Variants in GLIS1 observed in about 807,000 individuals in gnomAD.
GLIS1 encodes the protein GLIS family zinc finger 1.
A neutral mutation model predicts 63.8 loss-of-function variants in GLIS1; 24 were observed. The ratio of observed to expected loss-of-function variants is 0.38; its 90% CI spans 0.27 to 0.53. The LOEUF is 0.53. GLIS1 is among the 20% of genes least tolerant of loss of function. GLIS1 has a pLI of 0.85. For synonymous variants in GLIS1, 450 were observed against 482.5 expected, an observed-to-expected ratio of 0.93 and a Z score of 0.88; for missense variants, 1,036 against 1,074.1, an observed-to-expected ratio of 0.96 and a Z score of 0.50.
intron 2 of GLIS1, among the ~76,000 whole-genome samples, chr1:53,623,760 G>A (rs891836359): frequency 3.9e-5 from 6 of 152,234 alleles, no homozygotes; most frequent in Admixed American, 3.9e-4. Context: ...ATAACAGGAA[G>A]ATGGGATTTG....
At chr1:53,632,221 T>A (rs899829940) in intron 2 of GLIS1, among the ~76,000 whole-genome samples, 4 of 145,680 alleles carry the variant, frequency 2.7e-5, no homozygotes, top group African/African-American at 1.0e-4. Context: ...GAAGGGCGTG[T>A]GACTGAGTGT....
chr1:53,515,887 G>A (rs1047131600), intron 7 of GLIS1, among the ~76,000 whole-genome samples: 10 of 150,786 alleles, frequency 6.6e-5, no homozygotes, highest in Non-Finnish European at 8.8e-5. Context: ...ACCCAGAATG[G>A]AGCCCAGGCC....
At chr1:53,716,426 C>G (rs1646699174) in intron 2 of GLIS1, among the ~76,000 whole-genome samples, 1 of 151,880 alleles carries the variant, frequency 6.6e-6, no homozygotes, top group Admixed American at 6.6e-5. Context: ...CCTCGTATGG[C>G]CAGAGAGTCA....
chr1:53,677,670 C>T lies in GLIS1; in HGVS notation c.259+60136G>A, dbSNP rs186679787. 6.0e-3 allele frequency among the ~76,000 whole-genome samples: 914 copies of T among 152,366 alleles called. 15 individuals are homozygous for T. Among genetic ancestry groups the T allele is most frequent in the African/African-American group, 0.021 (883 of 41,586 alleles). ...CGTCTCCCAGGGCCTGGGCCCCAGT[C>T]CGATTGGACCCAGCCGCGGGCACCC... is the stretch of plus-strand genomic sequence containing the variant. On this transcript the variant is annotated intron_variant, in intron 2 of 10. Coordinates refer to ENST00000628545, the MANE Select transcript of GLIS1 (RefSeq NM_001367484.1).
chr1:53,723,404 A>C (rs1646776133), intron 2 of GLIS1, among the ~76,000 whole-genome samples: 2 of 151,564 alleles, frequency 1.3e-5, no homozygotes, highest in South Asian at 4.2e-4. Context: ...ATGCTCATCT[A>C]ATTTTTGTAT....
rs542962483 is a variant in GLIS1, at chr1:53,561,296, T to C, written c.1321-31344A>G. ...TTGCATTTATAAACAGTGCACGACT[T>C]TACAAGCCTCCAGCTATAATTTCAT... On this transcript the variant is annotated intron_variant, in intron 4 of 10. Coordinates refer to ENST00000628545, the MANE Select transcript of GLIS1 (RefSeq NM_001367484.1). Among the ~76,000 whole-genome samples, 3 of 152,054 alleles carry C rather than the reference T, an allele frequency of 2.0e-5. No individual in the cohort carries two copies. The East Asian group carries it at 5.8e-4, about 29-fold the overall frequency.
intron 2 of GLIS1, among the ~76,000 whole-genome samples, chr1:53,689,381 G>C (rs1254292971): frequency 6.6e-6 from 1 of 152,096 alleles, no homozygotes; most frequent in Non-Finnish European, 1.5e-5. Flanking sequence ...ATTTACCCTG[G>C]CTGGGCTCTG....
chr1:53,619,123 A>G (rs1352668507), intron 2 of GLIS1, among the ~76,000 whole-genome samples: 1 of 152,108 alleles, frequency 6.6e-6, no homozygotes, highest in African/African-American at 2.4e-5. Context: ...TGGCCCCAGC[A>G]TTTGGACTCT....
At chr1:53,506,853 C>A in intron 10 of GLIS1, 77 bp from the exon 11 acceptor site, 1 of 1,408,442 alleles carries the variant, frequency 7.1e-7, no homozygotes, top group East Asian at 2.4e-5. Context: ...TTCCAGGCCC[C>A]ACCCCGCCTG....
rs190630028 is a variant in GLIS1 at position 53,524,978 on chromosome 1, C to A, written c.1483-91G>T. Reference sequence around the variant, plus strand: ...GACCTGCTGTGGGGAGGTGACCAGGCGAGAGGCTGGCTGCAGGCCAAGAGT... The same window carrying A: ...GACCTGCTGTGGGGAGGTGACCAGGAGAGAGGCTGGCTGCAGGCCAAGAGT... On this transcript the variant is annotated intron_variant, in intron 5 of 10. Transcript: ENST00000628545. 4 of 947,480 alleles carry A rather than the reference C, an allele frequency of 4.2e-6. No individual in the cohort carries two copies. The South Asian group carries it at 6.0e-5, about 14-fold the overall frequency. The allele number at this position is 947,480 out of a possible 1,614,324, so 58.7% of individuals were successfully genotyped here. A position where few individuals can be genotyped will look rare whatever the true frequency, so the allele number is the denominator to read the frequency against.
At chr1:53,566,381 T>C (rs1177210756) in intron 4 of GLIS1, among the ~76,000 whole-genome samples, 2 of 152,200 alleles carry the variant, frequency 1.3e-5, no homozygotes, top group Admixed American at 6.5e-5. Flanking sequence ...TAAGCAATTA[T>C]AGCAAGGTTG....
intron 2 of GLIS1, among the ~76,000 whole-genome samples, chr1:53,613,190 T>G (rs929101613): frequency 6.6e-6 from 1 of 152,262 alleles, no homozygotes; most frequent in Non-Finnish European, 1.5e-5. Flanking sequence ...TAATTTGCTA[T>G]AGCAGATGCA....
At chr1:53,583,819 G>A (rs1645108679) in intron 4 of GLIS1, among the ~76,000 whole-genome samples, 1 of 152,238 alleles carries the variant, frequency 6.6e-6, no homozygotes, top group South Asian at 2.1e-4. Flanking sequence ...AAGATTTATT[G>A]TGGGGACGGG....
chr1:53,647,830 C>A (rs1300385012), intron 2 of GLIS1, among the ~76,000 whole-genome samples: 2 of 152,000 alleles, frequency 1.3e-5, no homozygotes, highest in African/African-American at 4.8e-5. Flanking sequence ...GGGCTTGGAT[C>A]TAGAATACAT....
chr1:53,524,739 C>T lies in GLIS1; in HGVS notation c.1593+38G>A, dbSNP rs374180731. 97 of 1,486,636 alleles carry T rather than the reference C, an allele frequency of 6.5e-5. No homozygotes were observed. The African/African-American group carries it at 1.1e-3, about 17-fold the overall frequency. 92.1% of individuals were successfully genotyped at this position (1,486,636 alleles called of 1,614,324 possible). On this transcript the variant is annotated intron_variant, in intron 6 of 10. Transcript: ENST00000628545. Reference sequence around the variant, plus strand: ...TGGCCTGATGCGGTGCAGGCGGCTGCGAGGTGGGAGGAGGCCAGATGAGGA... The same window carrying T: ...TGGCCTGATGCGGTGCAGGCGGCTGTGAGGTGGGAGGAGGCCAGATGAGGA...
chr1:53,547,219 A>G (rs1644710945), intron 4 of GLIS1, among the ~76,000 whole-genome samples: 1 of 152,248 alleles, frequency 6.6e-6, no homozygotes, highest in Admixed American at 6.5e-5. Context: ...GGGTAAGGCG[A>G]AAAGACCTGC....
chr1:53,662,961 C>T (rs905800698), intron 2 of GLIS1, among the ~76,000 whole-genome samples: 7 of 152,230 alleles, frequency 4.6e-5, no homozygotes, highest in Non-Finnish European at 7.3e-5. Flanking sequence ...CAAGGTCACA[C>T]AGCTGATAAG....
chr1:53,718,759 C>G (rs1646724143), intron 2 of GLIS1, among the ~76,000 whole-genome samples: 1 of 152,180 alleles, frequency 6.6e-6, no homozygotes, highest in African/African-American at 2.4e-5. Context: ...CGGATCATTC[C>G]TAGATCATAA....
At chr1:53,556,280 G>GTGTA (rs1644824592) in intron 4 of GLIS1, among the ~76,000 whole-genome samples, 1 of 141,898 alleles carries the variant, frequency 7.0e-6, no homozygotes, top group African/African-American at 2.6e-5. Flanking sequence ...GTGTGTGTGT[G>GTGTA]TGCAGGTGTA....
Sources: allele counts gnomAD v4.1 joint callset (sites outside exome capture counted in the v4.1 genomes callset), GRCh38; gene constraint gnomAD v4.1.1; transcripts MANE v1.5; gene names NCBI Gene and HGNC (gene_info 2026-07-23, HGNC 2026-07-21).